The following TOX2 variants were observed in gnomAD, a reference collection of about 807,000 sequenced individuals.
TOX2 encodes granulosa cell HMG box 1.
Under a neutral mutation model 47.4 loss-of-function variants are expected in TOX2, and 15 were observed. That is an observed-to-expected ratio of 0.32 (90% CI 0.21 to 0.49). TOX2 has a LOEUF of 0.49. Among genes scored for constraint, TOX2 ranks in the 20% least tolerant of loss-of-function variants. The probability of loss-of-function intolerance (pLI) is 0.99; values close to 1 mark genes in which losing one functional copy is unlikely to be tolerated. For missense variants in TOX2, 622 were observed against 673.1 expected, an observed-to-expected ratio of 0.92 and a Z score of 0.84; for synonymous variants, 290 against 296.6, an observed-to-expected ratio of 0.98 and a Z score of 0.23.
At chr20:44,049,205 C>T (rs559133192) in intron 3 of TOX2, among the ~76,000 whole-genome samples, 3 of 152,078 alleles carry the variant, frequency 2.0e-5, no homozygotes, top group Non-Finnish European at 2.9e-5. Flanking sequence ...TCTGGACAAG[C>T]CTGTGTAAGA....
chr20:44,064,311 T>C (rs187412320), intron 5 of TOX2, among the ~76,000 whole-genome samples: 303 of 152,322 alleles, frequency 2.0e-3, no homozygotes, highest in Non-Finnish European at 3.1e-3. Context: ...GCGAACAAAC[T>C]GGGACCAGTC....
intron 4 of TOX2, 135 bp from the exon 5 acceptor site, chr20:44,054,164 C>A: frequency 1.2e-6 from 1 of 845,314 alleles, no homozygotes; most frequent in Non-Finnish European, 1.9e-6. Flanking sequence ...TGTCCATTGC[C>A]CCCTCCATCG....
At chr20:44,009,592 G>T (rs1013455357) in intron 3 of TOX2, among the ~76,000 whole-genome samples, 1 of 152,192 alleles carries the variant, frequency 6.6e-6, no homozygotes, top group African/African-American at 2.4e-5. Context: ...TTTGCTATCA[G>T]ACCTTGGCAA....
intron 5 of TOX2, among the ~76,000 whole-genome samples, chr20:44,057,920 A>ATCCAGCAGACTAGCTCATGC (rs2071650445): frequency 6.6e-6 from 1 of 152,220 alleles, no homozygotes; most frequent in African/African-American, 2.4e-5. Context: ...GTCTTTCATC[A>ATCCAGCAGACTAGCTCATGC]TCCAGCAGAC....
At position 44,066,236 on chromosome 20, in the gene TOX2, G is replaced by A. The variant is rs1026864488; in HGVS notation, c.1356+129G>A. ...CAGCCTTGGCACCTGACCTCTCTGA[G>A]CCTCAGTTACCACATCTAGGAAGTG... On this transcript the variant is annotated intron_variant, in intron 7 of 8. Transcript: ENST00000341197. 2.9e-6 allele frequency: 3 copies of A among 1,029,728 alleles called. No individual in the cohort carries two copies. The African/African-American group carries it at 4.9e-5, about 17-fold the overall frequency. The allele number at this position is 1,029,728 out of a possible 1,614,324, so 63.8% of individuals were successfully genotyped here. A position where few individuals can be genotyped will look rare whatever the true frequency, so the allele number is the denominator to read the frequency against.
Position 44,006,684 on chromosome 20 carries a change from C to T in TOX2, c.303C>T (p.Pro101=), listed in dbSNP as rs1569087960. Residue 101 remains proline, a synonymous_variant, in exon 3 of 9, where the codon CCC becomes CCT. Coordinates refer to ENST00000341197, the MANE Select transcript of TOX2 (RefSeq NM_001098797.2). Reference sequence around the variant, plus strand: ...ACTCGCTGTGCCACGGCCTCACCCCCAACGGTCTGCTCCCTGCCTACTCCT... The same window carrying T: ...ACTCGCTGTGCCACGGCCTCACCCCTAACGGTCTGCTCCCTGCCTACTCCT... ...SYHSLCHGLT[P]NGLLPAYSYQ... The T allele has an allele frequency of 1.2e-6, 2 of 1,614,126 alleles. No individual in the cohort carries two copies. The highest frequency in any genetic ancestry group is 1.7e-6 in the Non-Finnish European group (2 of 1,180,028).
chr20:43,987,690 C>T (rs552589987), intron 2 of TOX2, among the ~76,000 whole-genome samples: 5 of 151,994 alleles, frequency 3.3e-5, no homozygotes, highest in Admixed American at 6.6e-5. Flanking sequence ...CATGGATGGG[C>T]GAGCCTTTTA....
chr20:44,037,356 T>C (rs1370028357), intron 3 of TOX2, among the ~76,000 whole-genome samples: 1 of 152,254 alleles, frequency 6.6e-6, no homozygotes, highest in Non-Finnish European at 1.5e-5. Flanking sequence ...TTGAACACAC[T>C]AGGTGTCTGA....
rs771652887 is a variant in TOX2 at position 44,054,411 on chromosome 20, T to A, written c.764T>A (p.Leu255His). 6 of 1,612,626 alleles carry A rather than the reference T, an allele frequency of 3.7e-6. No homozygotes were observed. Among genetic ancestry groups the A allele is most frequent in the Non-Finnish European group, 5.1e-6 (6 of 1,179,472 alleles). Residue 255 changes from leucine (L) to histidine (H), a missense_variant, in exon 5 of 9, where the codon CTC becomes CAC. Transcript: ENST00000341197. ...CAGAAGCCTGTGTCGGCCTACGCACTCTTCTTCAGAGACACTCAGGCCGCC... is the reference window on the plus strand; with the variant it reads ...CAGAAGCCTGTGTCGGCCTACGCACACTTCTTCAGAGACACTCAGGCCGCC... ...EPQKPVSAYA[L>H]FFRDTQAAIK...
At chr20:44,006,430 T>A (rs1235485820) in intron 2 of TOX2, 117 bp from the exon 3 acceptor site, 4 of 1,479,832 alleles carry the variant, frequency 2.7e-6, no homozygotes, top group Non-Finnish European at 3.6e-6. Flanking sequence ...CATCATCCCT[T>A]CTCTCCTTTG....
intron 2 of TOX2, among the ~76,000 whole-genome samples, chr20:43,996,376 A>G (rs2070480486): frequency 6.6e-6 from 1 of 152,232 alleles, no homozygotes; most frequent in South Asian, 2.1e-4. Flanking sequence ...TTAGAGTGAA[A>G]TAAAACATTA....
intron 5 of TOX2, among the ~76,000 whole-genome samples, chr20:44,055,453 TG>T (rs2071599705): frequency 6.6e-6 from 1 of 151,804 alleles, no homozygotes; most frequent in Non-Finnish European, 1.5e-5. Context: ...GGAAGGAGGC[TG>T]GAAAAGCACA....
chr20:44,049,335 A>C (rs1459124744), intron 3 of TOX2, among the ~76,000 whole-genome samples: 1 of 152,228 alleles, frequency 6.6e-6, no homozygotes, highest in Non-Finnish European at 1.5e-5. Context: ...ATATGTACAC[A>C]ATTTAATCAT....
At chr20:44,056,078 A>G (rs2071610792) in intron 5 of TOX2, among the ~76,000 whole-genome samples, 1 of 152,158 alleles carries the variant, frequency 6.6e-6, no homozygotes. Flanking sequence ...TCCCGCTGGG[A>G]ACTCAGGAGC....
chr20:44,049,762 A>G (rs1017001888), intron 3 of TOX2, among the ~76,000 whole-genome samples: 1 of 152,070 alleles, frequency 6.6e-6, no homozygotes, highest in Non-Finnish European at 1.5e-5. Flanking sequence ...CTGTTCCTGC[A>G]TTAGTTTGCT....
intron 5 of TOX2, among the ~76,000 whole-genome samples, chr20:44,063,787 TAC>T (rs61481919): frequency 3.7e-5 from 5 of 134,058 alleles, no homozygotes; most frequent in Non-Finnish European, 6.6e-5. Context: ...CATATATATG[TAC>T]ACACACACAC....
At chr20:44,038,908 G>A (rs1048134792) in intron 3 of TOX2, 47 of 1,170,814 alleles carry the variant, frequency 4.0e-5, no homozygotes, top group Middle Eastern at 3.9e-4. Flanking sequence ...TAAGCTCTGC[G>A]ATCCTAATTA....
At chr20:44,059,799 C>T (rs534107528) in intron 5 of TOX2, among the ~76,000 whole-genome samples, 1 of 152,142 alleles carries the variant, frequency 6.6e-6, no homozygotes, top group Non-Finnish European at 1.5e-5. Flanking sequence ...AATGGAATCT[C>T]CTTAAAGCAT....
At chr20:44,021,771 GAC>G (rs1273793419) in intron 3 of TOX2, among the ~76,000 whole-genome samples, 1 of 151,370 alleles carries the variant, frequency 6.6e-6, no homozygotes, top group African/African-American at 2.4e-5. Context: ...TGGGATCACA[GAC>G]ACACACCACC....
Sources: allele counts gnomAD v4.1 joint callset (sites outside exome capture counted in the v4.1 genomes callset), GRCh38; gene constraint gnomAD v4.1.1; transcripts MANE v1.5; gene names NCBI Gene and HGNC (gene_info 2026-07-23, HGNC 2026-07-21).